PCDH15: variants seen among roughly 807,000 people sequenced by gnomAD.
PCDH15 encodes protocadherin-15.
A neutral mutation model predicts 178.5 loss-of-function variants in PCDH15; 129 were observed. The observed-to-expected ratio is 0.72, with a 90% CI of 0.63 to 0.84. PCDH15 has a LOEUF of 0.84. Among genes scored for constraint, PCDH15 ranks in the 40% least tolerant of loss-of-function variants. The pLI is 0.00. For synonymous variants in PCDH15, 800 were observed against 732.0 expected (o/e 1.09, Z -1.50); for missense variants, 2,230 against 2,099.9 (o/e 1.06, Z -1.21).
At chr10:54,012,818 C>T (rs1589908178) in intron 20 of PCDH15, among the ~76,000 whole-genome samples, 2 of 152,228 alleles carry the variant, frequency 1.3e-5, no homozygotes, top group African/African-American at 2.4e-5. Flanking sequence ...ACAGCCACTA[C>T]AAAAACACAC....
At chr10:54,093,450 C>T (rs2094636625) in intron 15 of PCDH15, among the ~76,000 whole-genome samples, 1 of 152,102 alleles carries the variant, frequency 6.6e-6, no homozygotes, top group South Asian at 2.1e-4. Context: ...TGAGTTAGCA[C>T]TTGTATAGAC....
At chr10:55,023,480 A>G (rs890289138) in intron 2 of PCDH15, among the ~76,000 whole-genome samples, 1 of 152,164 alleles carries the variant, frequency 6.6e-6, no homozygotes, top group Non-Finnish European at 1.5e-5. Flanking sequence ...TTGTAATTAC[A>G]ATAAAATAAG....
At chr10:55,560,929 T>C (rs1842185132) in intron 2 of PCDH15, among the ~76,000 whole-genome samples, 1 of 151,898 alleles carries the variant, frequency 6.6e-6, no homozygotes, top group South Asian at 2.1e-4. Context: ...ATTTCACAAA[T>C]GCAAGTCAAA....
intron 2 of PCDH15, among the ~76,000 whole-genome samples, chr10:55,063,248 C>T (rs759038759): frequency 2.7e-4 from 41 of 152,146 alleles, no homozygotes; most frequent in Non-Finnish European, 5.6e-4. Context: ...ACTTAAAAAA[C>T]CTGGACGTTT....
chr10:54,626,302 T>G (rs1436454336), intron 2 of PCDH15, among the ~76,000 whole-genome samples: 1 of 151,946 alleles, frequency 6.6e-6, no homozygotes, highest in Non-Finnish European at 1.5e-5. Flanking sequence ...AGGAACACAA[T>G]AGGGGAAATG....
At chr10:54,824,873 AT>A (rs1175854085) in intron 3 of PCDH15, among the ~76,000 whole-genome samples, 3 of 151,570 alleles carry the variant, frequency 2.0e-5, no homozygotes, top group Non-Finnish European at 4.4e-5. Context: ...TACTTCTTTT[AT>A]TTTTTATTAT....
At position 54,083,918 on chromosome 10, in the gene PCDH15, G is replaced by C. The variant is rs115039110; in HGVS notation, c.1998-4494C>G. Among the ~76,000 whole-genome samples, 408 of 152,080 alleles carry C rather than the reference G, an allele frequency of 2.7e-3. 2 individuals carry two copies. The highest frequency in any genetic ancestry group is 8.9e-3 in the African/African-American group (371 of 41,468). ...ATAGGGTTTGCCTAACTATAAAAAT[G>C]GTGTTCAAACATAATTTAAAAATTT... On this transcript the variant is annotated intron_variant, in intron 16 of 37. Transcript: ENST00000644397.
At chr10:55,381,469 C>A (rs892650185) in intron 2 of PCDH15, among the ~76,000 whole-genome samples, 1 of 152,022 alleles carries the variant, frequency 6.6e-6, no homozygotes, top group South Asian at 2.1e-4. Context: ...CAAGATATGT[C>A]CCCAAGAGAG....
intron 2 of PCDH15, among the ~76,000 whole-genome samples, chr10:55,484,398 A>T (rs948201230): frequency 6.6e-6 from 1 of 151,834 alleles, no homozygotes. Flanking sequence ...AAGAGAATAC[A>T]AACAAATGGA....
At chr10:55,384,029 T>C (rs1459613770) in intron 2 of PCDH15, among the ~76,000 whole-genome samples, 5 of 152,224 alleles carry the variant, frequency 3.3e-5, no homozygotes, top group African/African-American at 1.2e-4. Flanking sequence ...CAGTAAATTG[T>C]ATATTTAAGA....
At chr10:54,577,249 AT>A (rs10699732) in intron 2 of PCDH15, among the ~76,000 whole-genome samples, 24 of 141,692 alleles carry the variant, frequency 1.7e-4, no homozygotes, top group Admixed American at 3.6e-4. Flanking sequence ...CGCCCAGCTA[AT>A]TTTTTTTTTT....
intron 3 of PCDH15, among the ~76,000 whole-genome samples, chr10:54,396,989 T>C (rs1191617970): frequency 9.9e-5 from 15 of 152,126 alleles, no homozygotes; most frequent in Non-Finnish European, 4.4e-5. Context: ...GTAATTTTAT[T>C]CTGCAATATT....
chr10:54,252,907 T>C (rs1350534768), intron 8 of PCDH15, among the ~76,000 whole-genome samples: 2 of 152,122 alleles, frequency 1.3e-5, no homozygotes, highest in Non-Finnish European at 2.9e-5. Context: ...ACTATAGTTA[T>C]ATTGAAGAGA....
At chr10:53,858,089 T>G (rs1428557993) in intron 27 of PCDH15, among the ~76,000 whole-genome samples, 1 of 152,126 alleles carries the variant, frequency 6.6e-6, no homozygotes, top group African/African-American at 2.4e-5. Context: ...CCAGAGCTTG[T>G]GCTCTTTACT....
intron 21 of PCDH15, among the ~76,000 whole-genome samples, chr10:53,993,065 T>C (rs1404662211): frequency 2.0e-5 from 3 of 152,216 alleles, no homozygotes; most frequent in Admixed American, 6.5e-5. Context: ...TTGAAAACGA[T>C]GTGGCCAACC....
At chr10:55,586,883 T>C (rs1277591754) in intron 2 of PCDH15, among the ~76,000 whole-genome samples, 1 of 152,158 alleles carries the variant, frequency 6.6e-6, no homozygotes, top group Non-Finnish European at 1.5e-5. Flanking sequence ...TATTTATTCA[T>C]GCATTTGTAT....
At chr10:54,788,162 T>C (rs960884003) in intron 1 of PCDH15, among the ~76,000 whole-genome samples, 9 of 151,802 alleles carry the variant, frequency 5.9e-5, no homozygotes, top group African/African-American at 1.2e-4. Flanking sequence ...GGAAAAAATA[T>C]AGCATTTGAA....
chr10:54,469,664 T>TCTATGC (rs1421172151), intron 3 of PCDH15, among the ~76,000 whole-genome samples: 1 of 152,188 alleles, frequency 6.6e-6, no homozygotes, highest in Non-Finnish European at 1.5e-5. Flanking sequence ...CAGGTCTATG[T>TCTATGC]AAGCAGGTCT....
intron 2 of PCDH15, among the ~76,000 whole-genome samples, chr10:55,033,119 A>G (rs11004689): frequency 0.47 from 70,684 of 151,960 alleles, 18,118 homozygotes; most frequent in East Asian, 0.75. Context: ...GTGATACCTC[A>G]GAGAGCCTCA....
Sources: allele counts gnomAD v4.1 joint callset (sites outside exome capture counted in the v4.1 genomes callset), GRCh38; gene constraint gnomAD v4.1.1; transcripts MANE v1.5; gene names NCBI Gene and HGNC (gene_info 2026-07-23, HGNC 2026-07-21).